Variants in TFCP2L1 observed in about 807,000 individuals in gnomAD.
The protein encoded by TFCP2L1 is transcription factor CP2 like 1.
Under a neutral mutation model 72.2 loss-of-function variants are expected in TFCP2L1, and 12 were observed. The ratio of observed to expected loss-of-function variants is 0.17; its 90% CI spans 0.11 to 0.27. TFCP2L1 has a LOEUF of 0.27. TFCP2L1 is among the 10% of genes least tolerant of loss of function. TFCP2L1 has a pLI of 1.00. For missense variants in TFCP2L1, 488 were observed against 624.6 expected (o/e 0.78, Z 2.33); for synonymous variants, 260 against 251.0 (o/e 1.04, Z -0.34).
chr2:121,250,841 G>A (rs950549068), intron 2 of TFCP2L1, among the ~76,000 whole-genome samples: 11 of 151,708 alleles, frequency 7.3e-5, no homozygotes, highest in East Asian at 3.9e-4. Context: ...TCCTGACCTC[G>A]TGATTCATCC....
rs1685976745 is a variant in TFCP2L1 at position 121,224,114 on chromosome 2, A to C, written c.*227T>G. The C allele has an allele frequency of 6.8e-6, 4 of 590,628 alleles. No individual in the cohort carries two copies. Among genetic ancestry groups the C allele is most frequent in the Non-Finnish European group, 1.2e-5 (4 of 331,888 alleles). The allele number at this position is 590,628 out of a possible 1,614,324, so 36.6% of individuals were successfully genotyped here. A position where few individuals can be genotyped will look rare whatever the true frequency, so the allele number is the denominator to read the frequency against. ...AGAAAAGAACAAGGAACCATTCAAA[A>C]TCTGGAGGCCAAGAGGAAGGGAGAA... is the stretch of plus-strand genomic sequence containing the variant. On this transcript the variant is annotated 3_prime_UTR_variant, in exon 15 of 15. Coordinates refer to ENST00000263707, the MANE Select transcript of TFCP2L1 (RefSeq NM_014553.3).
intron 2 of TFCP2L1, among the ~76,000 whole-genome samples, chr2:121,255,050 A>G (rs1024967798): frequency 2.0e-5 from 3 of 152,220 alleles, no homozygotes; most frequent in Admixed American, 1.3e-4. Flanking sequence ...CACATAGCTC[A>G]TAAGTGGCAG....
intron 6 of TFCP2L1, 108 bp downstream of exon 6, chr2:121,246,710 G>T: frequency 7.0e-7 from 1 of 1,420,464 alleles, no homozygotes; most frequent in African/African-American, 1.4e-5. Flanking sequence ...AAGGGATGCT[G>T]CGTTCCTCGC....
chr2:121,232,107 TTTTTG>T (rs3835787), intron 12 of TFCP2L1, 139 bp from the exon 13 acceptor site: 59,376 of 532,610 alleles, frequency 0.11, 4,736 homozygotes, highest in African/African-American at 0.19. Flanking sequence ...ACTGCCACTC[TTTTTG>T]TTTTGTTTTG....
chr2:121,261,875 C>G (rs1023596794), intron 2 of TFCP2L1, among the ~76,000 whole-genome samples: 1 of 152,180 alleles, frequency 6.6e-6, no homozygotes, highest in African/African-American at 2.4e-5. Flanking sequence ...GTGAACAGCA[C>G]CAGCAAAAGA....
Position 121,218,057 on chromosome 2 carries a change from T to G in TFCP2L1, c.*6284A>C, listed in dbSNP as rs1232636466. The G allele has an allele frequency of 1.3e-5, 2 of 152,230 alleles. No individual in the cohort carries two copies. The highest frequency in any genetic ancestry group is 4.8e-5 in the African/African-American group (2 of 41,464). The allele number at this position is 152,230 out of a possible 1,614,324, so 9.4% of individuals were successfully genotyped here. A position where few individuals can be genotyped will look rare whatever the true frequency, so the allele number is the denominator to read the frequency against. On this transcript the variant is annotated 3_prime_UTR_variant, in exon 15 of 15. Coordinates refer to ENST00000263707, the MANE Select transcript of TFCP2L1 (RefSeq NM_014553.3). ...TAAAAAAGCCCTTACTGTCTGAGGC[T>G]TTCTTTAAATAATCCAACAGGGATG...
At chr2:121,272,458 C>T (rs187344260) in intron 2 of TFCP2L1, among the ~76,000 whole-genome samples, 8 of 152,130 alleles carry the variant, frequency 5.3e-5, no homozygotes, top group Admixed American at 3.3e-4. Context: ...GGAAATTCTC[C>T]GCAGGGTTAT....
chr2:121,232,824 C>T (rs989533730), intron 12 of TFCP2L1, among the ~76,000 whole-genome samples: 1 of 152,094 alleles, frequency 6.6e-6, no homozygotes, highest in Non-Finnish European at 1.5e-5. Context: ...GGGAAGAAAA[C>T]AGTGACACTG....
chr2:121,266,872 TA>T (rs1165689814), intron 2 of TFCP2L1, among the ~76,000 whole-genome samples: 1 of 118,716 alleles, frequency 8.4e-6, no homozygotes, highest in Non-Finnish European at 1.7e-5. Context: ...TTAATATAAT[TA>T]TTTTTTTCAT....
At position 121,266,451 on chromosome 2, in the gene TFCP2L1, A is replaced by G. The variant is rs78803802; in HGVS notation, c.214+14669T>C. ...AGTTACCAGAGCAAGGTGAGAGTGT[A>G]AAGTTTATTAAACCAGGGTCCTCTC... On this transcript the variant is annotated intron_variant, in intron 2 of 14. Transcript: ENST00000263707. Among the ~76,000 whole-genome samples the G allele has an allele frequency of 9.5e-3, 1,445 of 152,322 alleles. 24 individuals carry two copies. The highest frequency in any genetic ancestry group is 0.033 in the African/African-American group (1,373 of 41,572).
intron 7 of TFCP2L1, 77 bp downstream of exon 7, chr2:121,242,282 T>C: frequency 7.6e-7 from 1 of 1,318,534 alleles, no homozygotes; most frequent in Non-Finnish European, 1.1e-6. Flanking sequence ...TGGGCGATTT[T>C]CCAAGAATCT....
chr2:121,236,529 C>T (rs1051224140), intron 10 of TFCP2L1, among the ~76,000 whole-genome samples: 16 of 152,176 alleles, frequency 1.1e-4, no homozygotes, highest in Non-Finnish European at 2.2e-4. Context: ...CAGGTGAAAG[C>T]CTGCCCAAGG....
intron 6 of TFCP2L1, among the ~76,000 whole-genome samples, chr2:121,243,916 A>G (rs1042025171): frequency 4.6e-5 from 7 of 152,040 alleles, no homozygotes; most frequent in Non-Finnish European, 1.0e-4. Context: ...TCCGTGGAAA[A>G]ACGGTCTTCC....
At chr2:121,266,900 T>G (rs1195106266) in intron 2 of TFCP2L1, among the ~76,000 whole-genome samples, 1 of 150,426 alleles carries the variant, frequency 6.6e-6, no homozygotes, top group Non-Finnish European at 1.5e-5. Context: ...TTTATTTATT[T>G]ATTTATTTAT....
At chr2:121,282,726 C>G (rs2104775177) in intron 1 of TFCP2L1, among the ~76,000 whole-genome samples, 1 of 152,254 alleles carries the variant, frequency 6.6e-6, no homozygotes, top group South Asian at 2.1e-4. Context: ...TCGTGGGTCC[C>G]TGACTAGGAA....
At chr2:121,250,858 G>T (rs796148931) in intron 2 of TFCP2L1, among the ~76,000 whole-genome samples, 16 of 151,856 alleles carry the variant, frequency 1.1e-4, no homozygotes, top group African/African-American at 3.9e-4. Flanking sequence ...ATCCACCTTG[G>T]CCTCCCAAAG....
chr2:121,281,945 G>A (rs549137633), intron 1 of TFCP2L1, among the ~76,000 whole-genome samples: 14 of 141,970 alleles, frequency 9.9e-5, no homozygotes, highest in African/African-American at 2.8e-4. Context: ...GGGCGGGGGC[G>A]GGGGGGACGG....
chr2:121,256,183 T>G (rs147790270), intron 2 of TFCP2L1, among the ~76,000 whole-genome samples: 1 of 152,330 alleles, frequency 6.6e-6, no homozygotes, highest in East Asian at 1.9e-4. Context: ...CTCATGAATG[T>G]GTAACCATGC....
chr2:121,266,427 G>A (rs2104740588), intron 2 of TFCP2L1, among the ~76,000 whole-genome samples: 1 of 152,294 alleles, frequency 6.6e-6, no homozygotes, highest in African/African-American at 2.4e-5. Context: ...TATTTCTGCA[G>A]TTACCAGAGC....
Sources: gnomAD v4.1 joint callset for allele counts (sites outside exome capture counted in the v4.1 genomes callset) on GRCh38, gnomAD v4.1.1 for gene constraint, MANE v1.5 for transcripts, NCBI Gene and HGNC (gene_info 2026-07-23, HGNC 2026-07-21) for gene names.